Variants in ZYG11B observed in about 807,000 individuals in gnomAD.
ZYG11B encodes protein zyg-11 homolog B.
A neutral mutation model predicts 82.4 loss-of-function variants in ZYG11B; 36 were observed. That is an observed-to-expected ratio of 0.44 (90% confidence interval 0.33 to 0.58). ZYG11B has a LOEUF of 0.58. Ranked by LOEUF, ZYG11B falls within the 20% of genes least tolerant of loss-of-function variation. The pLI, the probability that ZYG11B is intolerant of heterozygous loss-of-function variation, is 0.02. For synonymous variants in ZYG11B, 303 were observed against 312.8 expected, an observed-to-expected ratio of 0.97 and a Z score of 0.33; for missense variants, 552 against 895.6, an observed-to-expected ratio of 0.62 and a Z score of 4.90.
At chr1:52,753,421 G>A (rs1571751469) in intron 1 of ZYG11B, among the ~76,000 whole-genome samples, 1 of 129,426 alleles carries the variant, frequency 7.7e-6, no homozygotes. Context: ...TGTTGTTGTT[G>A]TTCTTTTTTT....
At chr1:52,755,153 G>C (rs2149929003) in intron 1 of ZYG11B, among the ~76,000 whole-genome samples, 1 of 151,890 alleles carries the variant, frequency 6.6e-6, no homozygotes, top group East Asian at 1.9e-4. Context: ...AGTAGAGATG[G>C]GATTTGACCG....
chr1:52,783,902 G>GTGTATGTACATACACGTGTGTA (rs1644886365), intron 4 of ZYG11B, among the ~76,000 whole-genome samples: 1 of 44,458 alleles, frequency 2.2e-5, no homozygotes, highest in Non-Finnish European at 3.5e-5. Flanking sequence ...ACACGTGTGT[G>GTGTATGTACATACACGTGTGTA]TATATACATC....
In ZYG11B at chr1:52,808,706, T is replaced by C. The variant is rs565138299; in HGVS notation, c.1696-4830T>C. Among the ~76,000 whole-genome samples, 30 of 152,308 alleles carry C rather than the reference T, an allele frequency of 2.0e-4. No individual in the cohort carries two copies. In the South Asian group the frequency reaches 5.2e-3, roughly 26 times the overall value. On this transcript the variant is annotated intron_variant, in intron 10 of 13. Transcript: ENST00000294353. The stretch of plus-strand genomic sequence containing the variant: ...AATTTTGCAGCCCTTTTCCCCATAT[T>C]GGAGTCCTTTGGAGACGCTAATTTG...
In ZYG11B at chr1:52,771,520, G is replaced by T; in HGVS notation, c.697G>T (p.Val233Phe). 6.2e-7 allele frequency: 1 copy of T among 1,613,980 alleles called. No homozygotes were observed. ...GACAACTACCCAGATACTGGATGTA[G>T]TTCGGGAACTCAAACATCTGAATCA... ...KMTTTQILDV[V>F]RELKHLNHLD... Residue 233 changes from valine (V) to phenylalanine (F), a missense_variant, in exon 3 of 14, where the codon GTT becomes TTT. Physicochemically the swap from Val to Phe is conservative, Grantham distance 50. This residue lies in a region of ZYG11B where 359 missense variants were observed against 555.8 expected (regional missense o/e 0.65). Coordinates refer to ENST00000294353, the MANE Select transcript of ZYG11B (RefSeq NM_024646.3). The surrounding 1 kb of genome is among the most constrained non-coding windows in gnomAD (Gnocchi z 5.4).
intron 8 of ZYG11B, among the ~76,000 whole-genome samples, chr1:52,797,597 T>C (rs1306155165): frequency 6.9e-6 from 1 of 144,502 alleles, no homozygotes; most frequent in East Asian, 2.0e-4. Flanking sequence ...AAAGCTCCGC[T>C]TCCCAGGTTC....
Position 52,797,420 on chromosome 1 carries a change from ATACATAT to A in ZYG11B, c.1485+639_1485+645del, listed in dbSNP as rs1159223714. ...ATATATGAAATATATATCATATATTATACATATTATATATAACATATATATTATATAT... is the reference window on the plus strand; with the variant it reads ...ATATATGAAATATATATCATATATTATATATATAACATATATATTATATAT... On this transcript the variant is annotated intron_variant, in intron 8 of 13. Transcript: ENST00000294353. Among the ~76,000 whole-genome samples, 9 of 95,984 alleles carry A rather than the reference ATACATAT, an allele frequency of 9.4e-5. No individual in the cohort carries two copies. In the East Asian group the frequency reaches 1.8e-3, roughly 19 times the overall value. The allele number at this position is 95,984 out of a possible 152,430, so 63.0% of individuals were successfully genotyped here. A position where few individuals can be genotyped will look rare whatever the true frequency, so the allele number is the denominator to read the frequency against.
chr1:52,772,982 T>A (rs924764760), intron 3 of ZYG11B, among the ~76,000 whole-genome samples: 2 of 151,946 alleles, frequency 1.3e-5, no homozygotes, highest in Non-Finnish European at 1.5e-5. Context: ...CAGCTACATA[T>A]ACTGTTTTTA....
chr1:52,768,190 G>C (rs143005448), intron 2 of ZYG11B, among the ~76,000 whole-genome samples: 1 of 152,150 alleles, frequency 6.6e-6, no homozygotes, highest in Non-Finnish European at 1.5e-5. Context: ...TTCCTGGTAC[G>C]TTGGCTAGAG....
At chr1:52,727,430 G>A (rs145422373) in intron 1 of ZYG11B, among the ~76,000 whole-genome samples, 249 of 152,256 alleles carry the variant, frequency 1.6e-3, no homozygotes, top group African/African-American at 5.9e-3. Context: ...TGAAGTGAGG[G>A]CCAGCATGCA....
intron 2 of ZYG11B, among the ~76,000 whole-genome samples, chr1:52,757,771 C>A (rs928119311): frequency 1.1e-4 from 17 of 152,032 alleles, no homozygotes; most frequent in Admixed American, 1.1e-3. Context: ...TGATTTTGAC[C>A]TTTGAGATGG....
At chr1:52,803,187 T>TACAC (rs1254654096) in intron 10 of ZYG11B, among the ~76,000 whole-genome samples, 1 of 78,326 alleles carries the variant, frequency 1.3e-5, no homozygotes, top group Admixed American at 1.4e-4. Context: ...TATATATATA[T>TACAC]ACACATATAT....
chr1:52,805,837 A>AAAAAC (rs1200550011), intron 10 of ZYG11B, among the ~76,000 whole-genome samples: 1 of 152,294 alleles, frequency 6.6e-6, no homozygotes, highest in East Asian at 1.9e-4. Flanking sequence ...CTCAGAAAAC[A>AAAAAC]AAAACAAAAC....
rs35043109 is a variant in ZYG11B at position 52,774,609 on chromosome 1, A to ATTT, written c.951+2859_951+2861dup. Among the ~76,000 whole-genome samples, 464 of 111,090 alleles carry ATTT rather than the reference A, an allele frequency of 4.2e-3. 37 individuals carry two copies. The highest frequency in any genetic ancestry group is 0.019 in the African/African-American group (384 of 20,548). The allele number at this position is 111,090 out of a possible 152,430, so 72.9% of individuals were successfully genotyped here. A position where few individuals can be genotyped will look rare whatever the true frequency, so the allele number is the denominator to read the frequency against. On this transcript the variant is annotated intron_variant, in intron 3 of 13. Coordinates refer to ENST00000294353, the MANE Select transcript of ZYG11B (RefSeq NM_024646.3). ...GGCGTGAGCCACTGTGCCTGGCCTA[A>ATTT]TTTTTTTTTTTTTTTTTTTTTTTTT...
At position 52,796,465 on chromosome 1, in the gene ZYG11B, C is replaced by T. The variant is rs926224661; in HGVS notation, c.1434+74C>T. ...TACATTTACTGTTTCCCCCCAAAAG[C>T]TGTGTGCCAGAAACATTAGTAAATC... On this transcript the variant is annotated intron_variant, in intron 7 of 13. Coordinates refer to ENST00000294353, the MANE Select transcript of ZYG11B (RefSeq NM_024646.3). 3 of 1,261,640 alleles carry T rather than the reference C, an allele frequency of 2.4e-6. No homozygotes were observed. In the Admixed American group the frequency reaches 5.9e-5, roughly 25 times the overall value. The allele number at this position is 1,261,640 out of a possible 1,614,324, so 78.2% of individuals were successfully genotyped here.
At chr1:52,779,529 T>C (rs995504070) in intron 3 of ZYG11B, among the ~76,000 whole-genome samples, 4 of 152,146 alleles carry the variant, frequency 2.6e-5, no homozygotes, top group Admixed American at 2.0e-4. Context: ...CTTGCTGTGT[T>C]GCCCAGGCTG....
intron 6 of ZYG11B, among the ~76,000 whole-genome samples, chr1:52,795,960 G>A (rs1027287276): frequency 6.6e-6 from 1 of 152,062 alleles, no homozygotes; most frequent in Non-Finnish European, 1.5e-5. Flanking sequence ...GTGCTATGAG[G>A]AACCCAAAAA....
At chr1:52,763,694 C>G (rs528937553) in intron 2 of ZYG11B, among the ~76,000 whole-genome samples, 10 of 152,268 alleles carry the variant, frequency 6.6e-5, no homozygotes, top group African/African-American at 1.9e-4. Flanking sequence ...TTGTCATAAT[C>G]TTTTCTCATT....
At position 52,824,844 on chromosome 1, in the gene ZYG11B, G is replaced by C. The variant is rs181990903; in HGVS notation, c.*3215G>C. On this transcript the variant is annotated 3_prime_UTR_variant, in exon 14 of 14. Transcript: ENST00000294353. ...AGTATCTATAGTTAGAATCTACAAG[G>C]CCTCCTTTTTGCACCTGTAGACTAG... 1.3e-5 allele frequency: 2 copies of C among 152,114 alleles called. No individual in the cohort carries two copies. Among genetic ancestry groups the C allele is most frequent in the South Asian group, 2.1e-4 (1 of 4,810 alleles). 9.4% of individuals were successfully genotyped at this position (152,114 alleles called of 1,614,324 possible).
At chr1:52,726,728 A>G (rs1295663199) in intron 1 of ZYG11B, 45 bp downstream of exon 1, 9 of 1,440,950 alleles carry the variant, frequency 6.2e-6, no homozygotes, top group Middle Eastern at 2.0e-4. Context: ...CCGCCACCCT[A>G]GCCCCCGCCC....
Sources: gnomAD v4.1 joint callset for allele counts (sites outside exome capture counted in the v4.1 genomes callset) on GRCh38, gnomAD v4.1.1 for gene constraint, gnomAD v4.1.1 regional missense constraint, Gnocchi (gnomAD v3.1) non-coding constraint, MANE v1.5 for transcripts, NCBI Gene and HGNC (gene_info 2026-07-23, HGNC 2026-07-21) for gene names.